Variants in LARP1B observed in about 807,000 individuals in gnomAD.
LARP1B encodes La ribonucleoprotein 1B, also known as la-related protein 1B.
LARP1B carries 76 observed loss-of-function variants against 114.2 expected under a neutral mutation model. The observed-to-expected ratio is 0.67, with a 90% CI of 0.55 to 0.81. The LOEUF is 0.81. LARP1B is among the 30% of genes least tolerant of loss of function. The probability of loss-of-function intolerance (pLI) is 0.00; values close to 1 mark genes in which losing one functional copy is unlikely to be tolerated. For synonymous variants in LARP1B, 345 were observed against 348.0 expected, an observed-to-expected ratio of 0.99 and a Z score of 0.10; for missense variants, 1,014 against 1,075.8, an observed-to-expected ratio of 0.94 and a Z score of 0.80.
intron 15 of LARP1B, among the ~76,000 whole-genome samples, chr4:128,187,642 G>T (rs13136665): frequency 0.56 from 85,716 of 152,036 alleles, 25,509 homozygotes; most frequent in Middle Eastern, 0.8. Context: ...TTGGGGGATT[G>T]TTGGGAAGAC....
At position 128,156,133 on chromosome 4, in the gene LARP1B, C is replaced by T. The variant is rs1735516326; in HGVS notation, c.1525-6061C>T. The T allele has an allele frequency of 2.5e-6, 4 of 1,611,144 alleles. No homozygotes were observed. The East Asian group carries it at 8.9e-5, about 36-fold the overall frequency. On this transcript the variant is annotated intron_variant, in intron 11 of 19. Coordinates refer to ENST00000326639, the MANE Select transcript of LARP1B (RefSeq NM_018078.4). Reference sequence around the variant, plus strand: ...TCCTGAGCCCTGTGCCTCAGCTCATCACAAGAGTAGCAGCAGCAGCGGAGA... The same window carrying T: ...TCCTGAGCCCTGTGCCTCAGCTCATTACAAGAGTAGCAGCAGCAGCGGAGA...
chr4:128,112,466 A>ATTTTTTTTTTTTTTTTTT (rs1174266918), intron 9 of LARP1B, among the ~76,000 whole-genome samples: 1 of 69,322 alleles, frequency 1.4e-5, no homozygotes, highest in Non-Finnish European at 2.5e-5. Flanking sequence ...TGCTTACTCT[A>ATTTTTTTTTTTTTTTTTT]TTTTTTTTTT....
At chr4:128,072,862 T>C (rs1394629857) in intron 1 of LARP1B, among the ~76,000 whole-genome samples, 1 of 152,150 alleles carries the variant, frequency 6.6e-6, no homozygotes, top group Non-Finnish European at 1.5e-5. Context: ...CTGGCCTGTA[T>C]ATATAAAATT....
chr4:128,207,250 T>A lies in LARP1B; in HGVS notation c.2420-6T>A. 7.5e-7 allele frequency: 1 copy of A among 1,325,958 alleles called. No individual in the cohort carries two copies. Among genetic ancestry groups the A allele is most frequent in the Non-Finnish European group, 1.0e-6 (1 of 989,096 alleles). The allele number at this position is 1,325,958 out of a possible 1,614,324, so 82.1% of individuals were successfully genotyped here. On this transcript the variant is annotated splice_region_variant and splice_polypyrimidine_tract_variant and intron_variant, in intron 18 of 19. Transcript: ENST00000326639. ...ATTCATAATGTATATTATTCTTTGT[T>A]ATTAGGTCAGCTGTATGGACTAGAA...
intron 15 of LARP1B, among the ~76,000 whole-genome samples, chr4:128,182,002 C>T (rs1324998899): frequency 1.2e-4 from 18 of 150,460 alleles, no homozygotes; most frequent in South Asian, 4.2e-4. Flanking sequence ...TTAGTAGAGA[C>T]GGGGTTTCAC....
intron 11 of LARP1B, among the ~76,000 whole-genome samples, chr4:128,137,259 A>G (rs1013667772): frequency 6.6e-6 from 1 of 152,142 alleles, no homozygotes; most frequent in Non-Finnish European, 1.5e-5. Flanking sequence ...AACTCCCCCA[A>G]TTCTCAAAGA....
intron 12 of LARP1B, among the ~76,000 whole-genome samples, chr4:128,162,884 C>T (rs1739104087): frequency 6.6e-6 from 1 of 152,108 alleles, no homozygotes; most frequent in African/African-American, 2.4e-5. Context: ...GTCTCGACTC[C>T]AGTAACTCCT....
intron 11 of LARP1B, among the ~76,000 whole-genome samples, chr4:128,148,056 A>G (rs1731111657): frequency 6.6e-6 from 1 of 152,244 alleles, no homozygotes; most frequent in South Asian, 2.1e-4. Context: ...TAAGTTGAAA[A>G]TTGAGAATGA....
chr4:128,106,050 A>C (rs1338572507), intron 8 of LARP1B, among the ~76,000 whole-genome samples: 2 of 150,368 alleles, frequency 1.3e-5, no homozygotes, highest in East Asian at 3.9e-4. Context: ...TTTGAGATGG[A>C]ATCTTGCTCT....
Position 128,098,747 on chromosome 4 carries a change from G to GTGTGTGTATATATATA in LARP1B, c.813+418_813+419insGTGTGTATATATATAT. 1.7e-3 allele frequency among the ~76,000 whole-genome samples: 27 copies of GTGTGTGTATATATATA among 15,580 alleles called. 1 individual carries two copies. Among genetic ancestry groups the GTGTGTGTATATATATA allele is most frequent in the South Asian group, 5.0e-3 (1 of 202 alleles). The allele number at this position is 15,580 out of a possible 152,430, so 10.2% of individuals were successfully genotyped here. On this transcript the variant is annotated intron_variant, in intron 8 of 19. Transcript: ENST00000326639. ...AGCATGTGTTCCTGTATATGTATGTGTATATATATATATATATATATTTTT... is the reference window on the plus strand; with the variant it reads ...AGCATGTGTTCCTGTATATGTATGTGTGTGTGTATATATATATATATATATATATATATATATTTTT...
intron 11 of LARP1B, among the ~76,000 whole-genome samples, chr4:128,131,141 A>T (rs1791454496): frequency 1.3e-5 from 2 of 152,222 alleles, no homozygotes; most frequent in Non-Finnish European, 2.9e-5. Flanking sequence ...TAGAAAATGT[A>T]CAGGACAATT....
chr4:128,064,442 G>GA (rs1396013849), intron 1 of LARP1B, among the ~76,000 whole-genome samples: 3 of 152,084 alleles, frequency 2.0e-5, no homozygotes, highest in South Asian at 2.1e-4. Context: ...GACACTTGCA[G>GA]AAAAAAAGTT....
chr4:128,145,479 G>T (rs1729930831), intron 11 of LARP1B, among the ~76,000 whole-genome samples: 1 of 152,110 alleles, frequency 6.6e-6, no homozygotes, highest in Non-Finnish European at 1.5e-5. Flanking sequence ...GTATGTCTTA[G>T]GTAGTCTTAT....
chr4:128,099,290 CT>C (rs368079786), intron 8 of LARP1B, among the ~76,000 whole-genome samples: 5,252 of 137,100 alleles, frequency 0.038, 124 homozygotes, highest in African/African-American at 0.097. Context: ...TTTTTTCTTT[CT>C]TTTTTTTTTT....
chr4:128,174,533 T>C (rs982075356), intron 12 of LARP1B, among the ~76,000 whole-genome samples: 6 of 152,048 alleles, frequency 3.9e-5, no homozygotes, highest in African/African-American at 1.4e-4. Context: ...TCTACTCTTA[T>C]TGGTGGGCAA....
At chr4:128,200,686 C>T in intron 17 of LARP1B, 21 bp downstream of exon 17, 1 of 1,509,024 alleles carries the variant, frequency 6.6e-7, no homozygotes, top group Non-Finnish European at 9.0e-7. Context: ...TTCTTTTACA[C>T]TTCAAGGGAG....
intron 5 of LARP1B, among the ~76,000 whole-genome samples, chr4:128,087,383 A>G (rs1412696759): frequency 3.3e-5 from 5 of 152,216 alleles, no homozygotes; most frequent in Non-Finnish European, 5.9e-5. Context: ...TACAGACTTA[A>G]TATTAGCATT....
intron 11 of LARP1B, among the ~76,000 whole-genome samples, chr4:128,124,141 A>T (rs1788848083): frequency 1.3e-5 from 2 of 152,212 alleles, no homozygotes; most frequent in Non-Finnish European, 2.9e-5. Flanking sequence ...ACTGCTTAGA[A>T]ACTGGGCACA....
chr4:128,064,898 G>T (rs1437026180), intron 1 of LARP1B, among the ~76,000 whole-genome samples: 1 of 151,930 alleles, frequency 6.6e-6, no homozygotes, highest in African/African-American at 2.4e-5. Context: ...AATATAGCAA[G>T]ACCACGTTTA....
Sources: allele counts gnomAD v4.1 joint callset (sites outside exome capture counted in the v4.1 genomes callset), GRCh38; gene constraint gnomAD v4.1.1; transcripts MANE v1.5; gene names NCBI Gene and HGNC (gene_info 2026-07-23, HGNC 2026-07-21).